ZDHHC15: variants seen among roughly 807,000 people sequenced by gnomAD.
The protein encoded by ZDHHC15 is zDHHC palmitoyltransferase 15.
In ZDHHC15, 19 loss-of-function variants were observed where a neutral mutation model predicts 31.7. The observed-to-expected ratio is 0.60, with a 90% CI of 0.42 to 0.88. The LOEUF (loss-of-function observed/expected upper bound fraction) is 0.88. Ranked by LOEUF, ZDHHC15 falls within the 40% of genes least tolerant of loss-of-function variation. ZDHHC15 has a pLI of 0.00. For missense variants in ZDHHC15, 209 were observed against 251.2 expected, an observed-to-expected ratio of 0.83 and a Z score of 1.14; for synonymous variants, 103 against 90.0, an observed-to-expected ratio of 1.14 and a Z score of -0.82.
chrX:75,407,919 C>T (rs1038755468), intron 10 of ZDHHC15, among the ~76,000 whole-genome samples: 49 of 108,800 alleles, frequency 4.5e-4, no homozygotes, highest in Non-Finnish European at 7.3e-4. Context: ...CCCCCAACCC[C>T]GTGCTCTCTG....
At chrX:75,453,790 CAT>C (rs2084167317) in intron 3 of ZDHHC15, among the ~76,000 whole-genome samples, 1 of 111,552 alleles carries the variant, frequency 9.0e-6, no homozygotes, top group Admixed American at 9.6e-5. Flanking sequence ...ACAAAAACCA[CAT>C]GATTATCTCA....
intron 4 of ZDHHC15, among the ~76,000 whole-genome samples, chrX:75,441,817 G>A (rs1235218448): frequency 3.7e-5 from 4 of 109,393 alleles, no homozygotes; most frequent in Non-Finnish European, 7.6e-5. Flanking sequence ...TAGAGATGGG[G>A]TTTCACCATG....
intron 1 of ZDHHC15, among the ~76,000 whole-genome samples, chrX:75,514,911 G>A (rs1402092753): frequency 8.9e-6 from 1 of 111,775 alleles, no homozygotes; most frequent in Non-Finnish European, 1.9e-5. Flanking sequence ...TGATCCCACA[G>A]AAATACAAAC....
chrX:75,517,794 T>G (rs2085382424), intron 1 of ZDHHC15, among the ~76,000 whole-genome samples: 1 of 109,730 alleles, frequency 9.1e-6, no homozygotes, highest in Admixed American at 9.8e-5. Context: ...TATAAAAAAT[T>G]AACTCAGAAT....
At chrX:75,492,829 G>A (rs2084921659) in intron 2 of ZDHHC15, among the ~76,000 whole-genome samples, 1 of 111,586 alleles carries the variant, frequency 9.0e-6, no homozygotes, top group African/African-American at 3.3e-5. Context: ...AGAGAAAGCA[G>A]GAAAGATATA....
At chrX:75,401,786 T>C (rs980436729) in intron 10 of ZDHHC15, among the ~76,000 whole-genome samples, 2 of 111,930 alleles carry the variant, frequency 1.8e-5, no homozygotes, top group Non-Finnish European at 3.8e-5. Context: ...CACACAATAA[T>C]AGTGGGAGAC....
At position 75,427,022 on chromosome X, in the gene ZDHHC15, CA is replaced by C. The variant is rs2083722363; in HGVS notation, c.603+2055del. Among the ~76,000 whole-genome samples the C allele has an allele frequency of 2.7e-5, 3 of 111,870 alleles. No homozygotes were observed. In the South Asian group the frequency reaches 1.1e-3, roughly 41 times the overall value. ...AAGTGCTTCAAAAACTGTAAAGTACCATACAAATGAAGGTTGCTATTGATAG... is the reference window on the plus strand; with the variant it reads ...AAGTGCTTCAAAAACTGTAAAGTACCTACAAATGAAGGTTGCTATTGATAG... On this transcript the variant is annotated intron_variant, in intron 7 of 11. Coordinates refer to ENST00000373367, the MANE Select transcript of ZDHHC15 (RefSeq NM_144969.3).
intron 2 of ZDHHC15, among the ~76,000 whole-genome samples, chrX:75,483,223 C>A (rs934232719): frequency 8.2e-5 from 9 of 109,295 alleles, no homozygotes; most frequent in East Asian, 2.8e-4. Context: ...CCTCTTAAAT[C>A]TTAGTGATTT....
intron 11 of ZDHHC15, among the ~76,000 whole-genome samples, chrX:75,378,878 G>A (rs2083086376): frequency 9.0e-6 from 1 of 111,214 alleles, no homozygotes; most frequent in Admixed American, 9.6e-5. Flanking sequence ...CTGGATCCCC[G>A]GAGTTTTTTT....
intron 8 of ZDHHC15, among the ~76,000 whole-genome samples, chrX:75,422,382 G>A (rs2083656387): frequency 8.9e-6 from 1 of 111,818 alleles, no homozygotes; most frequent in Admixed American, 9.5e-5. Flanking sequence ...ACCATCTTTA[G>A]AGCTGGGAAG....
intron 3 of ZDHHC15, among the ~76,000 whole-genome samples, chrX:75,456,181 G>T (rs971497870): frequency 9.0e-6 from 1 of 111,273 alleles, no homozygotes; most frequent in East Asian, 2.8e-4. Context: ...CCATAAAAAA[G>T]GATGAGTTCA....
chrX:75,472,662 G>A (rs202122451), intron 3 of ZDHHC15, among the ~76,000 whole-genome samples: 1 of 112,011 alleles, frequency 8.9e-6, no homozygotes, highest in East Asian at 2.8e-4. Flanking sequence ...TGGATAGGAC[G>A]ACCTGTTCTG....
chrX:75,393,988 G>A (rs1247740922), intron 10 of ZDHHC15, among the ~76,000 whole-genome samples: 2 of 110,784 alleles, frequency 1.8e-5, no homozygotes, highest in African/African-American at 6.6e-5. Context: ...TTCTAGCTGT[G>A]CTGGCAGCTG....
chrX:75,444,595 T>C (rs1467696616), intron 4 of ZDHHC15, among the ~76,000 whole-genome samples: 2 of 95,415 alleles, frequency 2.1e-5, no homozygotes, highest in African/African-American at 4.0e-5. Context: ...TATGCACATG[T>C]ACCGTACAAC....
intron 11 of ZDHHC15, among the ~76,000 whole-genome samples, chrX:75,373,374 C>A (rs1215598286): frequency 9.0e-6 from 1 of 111,598 alleles, no homozygotes; most frequent in Non-Finnish European, 1.9e-5. Flanking sequence ...CTCCATAACT[C>A]TAGAAAAATA....
At chrX:75,498,769 G>A (rs1405356017) in intron 2 of ZDHHC15, among the ~76,000 whole-genome samples, 3 of 111,293 alleles carry the variant, frequency 2.7e-5, no homozygotes, top group Non-Finnish European at 5.7e-5. Flanking sequence ...ATTCTTCACA[G>A]AACTAGAAAA....
In ZDHHC15 at chrX:75,369,283, T is replaced by C. The variant is rs186126597; in HGVS notation, c.*3695A>G. 5.9e-4 allele frequency: 63 copies of C among 106,725 alleles called. No homozygotes were observed. The highest frequency in any genetic ancestry group is 2.1e-3 in the African/African-American group (63 of 29,492). 8.8% of individuals were successfully genotyped at this position (106,725 alleles called of 1,213,427 possible). On this transcript the variant is annotated 3_prime_UTR_variant, in exon 12 of 12. Coordinates refer to ENST00000373367, the MANE Select transcript of ZDHHC15 (RefSeq NM_144969.3). ...TTTAAATTAAAGTATTTGCTCCTGC[T>C]GAAGAGGCAGCCTGCTTTGGAGAAA...
chrX:75,377,228 C>T (rs1002909080), intron 11 of ZDHHC15, among the ~76,000 whole-genome samples: 8 of 111,008 alleles, frequency 7.2e-5, no homozygotes, highest in South Asian at 7.6e-4. Flanking sequence ...ATATGAGGCC[C>T]GGCACGGTGG....
intron 2 of ZDHHC15, among the ~76,000 whole-genome samples, chrX:75,491,586 T>C (rs2084894091): frequency 9.1e-6 from 1 of 109,416 alleles, no homozygotes; most frequent in Admixed American, 9.8e-5. Flanking sequence ...GTAACTAACC[T>C]GCACATTGTG....
Sources: allele counts gnomAD v4.1 joint callset (sites outside exome capture counted in the v4.1 genomes callset), GRCh38; gene constraint gnomAD v4.1.1; transcripts MANE v1.5; gene names NCBI Gene and HGNC (gene_info 2026-07-23, HGNC 2026-07-21).